PEX14: variants seen among roughly 807,000 people sequenced by gnomAD.
The protein encoded by PEX14 is peroxisomal biogenesis factor 14.
A neutral mutation model predicts 49.5 loss-of-function variants in PEX14; 15 were observed. The ratio of observed to expected loss-of-function variants is 0.30; its 90% confidence interval spans 0.20 to 0.47. The LOEUF is 0.47. Ranked by LOEUF, PEX14 falls within the 20% of genes least tolerant of loss-of-function variation. The pLI is 1.00. For missense variants in PEX14, 398 were observed against 494.8 expected, an observed-to-expected ratio of 0.80 and a Z score of 1.86; for synonymous variants, 210 against 212.7, an observed-to-expected ratio of 0.99 and a Z score of 0.11.
chr1:10,552,956 A>G (rs1003287793), intron 3 of PEX14, among the ~76,000 whole-genome samples: 1 of 152,202 alleles, frequency 6.6e-6, no homozygotes, highest in Non-Finnish European at 1.5e-5. Context: ...AAGGCGAGAG[A>G]TCGAGGAGAC....
At position 10,623,757 on chromosome 1, in the gene PEX14, G is replaced by A. The variant is rs147654422; in HGVS notation, c.488-583G>A. Among the ~76,000 whole-genome samples, 11 of 152,356 alleles carry A rather than the reference G, an allele frequency of 7.2e-5. No individual in the cohort carries two copies. The highest frequency in any genetic ancestry group is 3.4e-3 in the Middle Eastern group (1 of 294). Reference sequence around the variant, plus strand: ...CTGGAGCACGTTTGTGAAGCTCACAGAAACCCTCTGACACGTCCATCCTGC... The same window carrying A: ...CTGGAGCACGTTTGTGAAGCTCACAAAAACCCTCTGACACGTCCATCCTGC... On this transcript the variant is annotated intron_variant, in intron 6 of 8. Transcript: ENST00000356607. This position sits in a 1 kb window ranked among gnomAD's most constrained non-coding sequence, Gnocchi z 4.4.
At chr1:10,585,391 A>G (rs1474076962) in intron 3 of PEX14, among the ~76,000 whole-genome samples, 5 of 152,218 alleles carry the variant, frequency 3.3e-5, no homozygotes, top group African/African-American at 4.8e-5. Flanking sequence ...AAATTGTAAT[A>G]TGAAAGATAT....
At chr1:10,564,625 G>A (rs964715781) in intron 3 of PEX14, among the ~76,000 whole-genome samples, 1 of 141,794 alleles carries the variant, frequency 7.1e-6, no homozygotes, top group Non-Finnish European at 1.5e-5. Context: ...TAGAGACAGG[G>A]CCTTGCCATG....
In PEX14 at chr1:10,629,900, C is replaced by A; in HGVS notation, c.1047C>A (p.Asp349Glu). 1 of 1,613,496 alleles carries A rather than the reference C, an allele frequency of 6.2e-7. No individual in the cohort carries two copies. The highest frequency in any genetic ancestry group is 1.1e-5 in the South Asian group (1 of 91,052). The change falls in exon 9 of 9, where the codon GAC (aspartate) becomes GAA (glutamate). Residue 349 changes from aspartate to glutamate, a missense_variant. Transcript: ENST00000356607. The surrounding 1 kb of genome is among the most constrained non-coding windows in gnomAD (Gnocchi z 8.5). ...ACTGCCTGGGGGTGCAGAGGGAGGA[C>A]CGCCGGGGCGGGGATGGGCAGATCA... ...EEDCLGVQRE[D>E]RRGGDGQINE...
At chr1:10,565,277 C>T (rs1277220466) in intron 3 of PEX14, among the ~76,000 whole-genome samples, 2 of 152,198 alleles carry the variant, frequency 1.3e-5, no homozygotes, top group Non-Finnish European at 2.9e-5. Context: ...CTATTTTCCT[C>T]TGAAGTTTAC....
intron 1 of PEX14, among the ~76,000 whole-genome samples, chr1:10,478,115 T>A (rs1025980612): frequency 1.3e-5 from 2 of 152,108 alleles, no homozygotes; most frequent in Non-Finnish European, 2.9e-5. Context: ...CTCAAACTCC[T>A]GACCTCAGGT....
At chr1:10,577,546 A>ATATATATATATATG (rs1640164766) in intron 3 of PEX14, among the ~76,000 whole-genome samples, 6 of 7,554 alleles carry the variant, frequency 7.9e-4, no homozygotes, top group African/African-American at 1.9e-3. Flanking sequence ...ATATATATAT[A>ATATATATATATATG]TATATATATA....
chr1:10,611,377 C>T (rs533531909), intron 4 of PEX14, among the ~76,000 whole-genome samples: 8 of 152,186 alleles, frequency 5.3e-5, no homozygotes, highest in Non-Finnish European at 8.8e-5. Context: ...CTCCATGTAC[C>T]GCAATTTCTT....
At chr1:10,532,648 C>T (rs916035878) in intron 2 of PEX14, among the ~76,000 whole-genome samples, 4 of 152,096 alleles carry the variant, frequency 2.6e-5, no homozygotes, top group South Asian at 2.1e-4. Context: ...TTCCTGTCTC[C>T]GTTTTACATC....
chr1:10,524,946 C>G (rs764747909), intron 2 of PEX14, among the ~76,000 whole-genome samples: 3 of 152,222 alleles, frequency 2.0e-5, no homozygotes, highest in Non-Finnish European at 4.4e-5. Context: ...CTGCCTCAGC[C>G]TCCCAAAGTG....
intron 3 of PEX14, among the ~76,000 whole-genome samples, chr1:10,581,874 A>C (rs942502923): frequency 6.6e-6 from 1 of 151,480 alleles, no homozygotes; most frequent in African/African-American, 2.4e-5. Context: ...ATTTTGTAAG[A>C]CTATAGTAAT....
intron 3 of PEX14, among the ~76,000 whole-genome samples, chr1:10,538,236 C>A (rs540380395): frequency 6.6e-6 from 1 of 152,330 alleles, no homozygotes; most frequent in Non-Finnish European, 1.5e-5. Flanking sequence ...GGACTGTGAT[C>A]TTAAACAACA....
At chr1:10,537,341 A>ACCTCCCCCCCCCCCCCCCCCC (rs796854134) in intron 3 of PEX14, among the ~76,000 whole-genome samples, 1 of 28,430 alleles carries the variant, frequency 3.5e-5, no homozygotes, top group African/African-American at 1.4e-4. Context: ...TTGTGCCAGC[A>ACCTCCCCCCCCCCCCCCCCCC]CCCCCCCCCC....
chr1:10,512,929 C>G lies in PEX14; in HGVS notation c.84+17608C>G, dbSNP rs147145245. 4.9e-3 allele frequency among the ~76,000 whole-genome samples: 751 copies of G among 152,248 alleles called. 8 individuals are homozygous for G. Among genetic ancestry groups the G allele is most frequent in the African/African-American group, 0.017 (715 of 41,536 alleles). On this transcript the variant is annotated intron_variant, in intron 2 of 8. Coordinates refer to ENST00000356607, the MANE Select transcript of PEX14 (RefSeq NM_004565.3). The surrounding 1 kb of genome is among the most constrained non-coding windows in gnomAD (Gnocchi z 4.6). ...AGCTGGGATGGTCTGGATCTCGTGA[C>G]CTCGTGATCCACCCACCTTGGTCTC...
At chr1:10,517,653 T>C (rs1323493967) in intron 2 of PEX14, among the ~76,000 whole-genome samples, 1 of 142,380 alleles carries the variant, frequency 7.0e-6, no homozygotes, top group Non-Finnish European at 1.6e-5. Context: ...TCCATTTTGT[T>C]CTTTTTTTTT....
intron 2 of PEX14, among the ~76,000 whole-genome samples, chr1:10,526,373 C>T (rs982118145): frequency 6.6e-6 from 1 of 152,004 alleles, no homozygotes; most frequent in African/African-American, 2.4e-5. Flanking sequence ...TGTGAACCAC[C>T]ACACCCAGCT....
intron 3 of PEX14, among the ~76,000 whole-genome samples, chr1:10,567,254 A>G (rs1363104994): frequency 1.3e-5 from 2 of 152,128 alleles, no homozygotes; most frequent in Admixed American, 6.6e-5. Context: ...GTAGTTTCCC[A>G]TCTCTGCAGT....
chr1:10,564,417 T>C (rs2124537155), intron 3 of PEX14, among the ~76,000 whole-genome samples: 1 of 151,672 alleles, frequency 6.6e-6, no homozygotes, highest in South Asian at 2.1e-4. Flanking sequence ...TACAATTACC[T>C]TGTTTGCATT....
At chr1:10,531,493 C>G (rs916457618) in intron 2 of PEX14, among the ~76,000 whole-genome samples, 1 of 152,130 alleles carries the variant, frequency 6.6e-6, no homozygotes, top group Admixed American at 6.5e-5. Flanking sequence ...AGTGTATGAA[C>G]GTAGGAACCT....
Sources: gnomAD v4.1 joint callset for allele counts (sites outside exome capture counted in the v4.1 genomes callset) on GRCh38, gnomAD v4.1.1 for gene constraint, Gnocchi (gnomAD v3.1) non-coding constraint, MANE v1.5 for transcripts, NCBI Gene and HGNC (gene_info 2026-07-23, HGNC 2026-07-21) for gene names.